The following STK39 variants were observed in gnomAD, a reference collection of about 807,000 sequenced individuals.
STK39 encodes serine/threonine kinase 39.
In STK39, 20 loss-of-function variants were observed where a neutral mutation model predicts 77.8. That is an observed-to-expected ratio of 0.26 (90% CI 0.18 to 0.37). The LOEUF is 0.37. Ranked by LOEUF, STK39 falls within the 10% of genes least tolerant of loss-of-function variation. The pLI is 1.00. For synonymous variants in STK39, 246 were observed against 234.1 expected, an observed-to-expected ratio of 1.05 and a Z score of -0.47; for missense variants, 479 against 656.5, an observed-to-expected ratio of 0.73 and a Z score of 2.95.
chr2:168,091,472 G>A (rs1323729410), intron 10 of STK39, among the ~76,000 whole-genome samples: 1 of 152,196 alleles, frequency 6.6e-6, no homozygotes, highest in East Asian at 1.9e-4. Flanking sequence ...CTGCCAGAAA[G>A]CTGCCCCAAG....
intron 17 of STK39, 75 bp downstream of exon 17, chr2:167,964,587 T>C: frequency 7.5e-7 from 1 of 1,327,450 alleles, no homozygotes; most frequent in South Asian, 1.3e-5. Context: ...AGTAGGTTAT[T>C]AAACTAGATT....
At chr2:168,188,652 C>T (rs1689266071) in intron 1 of STK39, among the ~76,000 whole-genome samples, 1 of 152,154 alleles carries the variant, frequency 6.6e-6, no homozygotes, top group African/African-American at 2.4e-5. Flanking sequence ...AGCATGTACT[C>T]GGCACATTGA....
At chr2:168,246,912 G>A (rs1241796149) in intron 1 of STK39, among the ~76,000 whole-genome samples, 1 of 151,906 alleles carries the variant, frequency 6.6e-6, no homozygotes, top group Admixed American at 6.6e-5. Context: ...AGGAAGATGC[G>A]GCGGCGCCGC....
chr2:168,048,575 C>A lies in STK39; in HGVS notation c.1376+14925G>T, dbSNP rs575612930. Reference sequence around the variant, plus strand: ...GTTCTTGTCTCTCATGAATATTGGACCAAACTGGGCCACTTCTAAGAGGTC... The same window carrying A: ...GTTCTTGTCTCTCATGAATATTGGAACAAACTGGGCCACTTCTAAGAGGTC... On this transcript the variant is annotated intron_variant, in intron 14 of 17. Transcript: ENST00000355999. Among the ~76,000 whole-genome samples, 3 of 152,096 alleles carry A rather than the reference C, an allele frequency of 2.0e-5. No individual in the cohort carries two copies. The East Asian group carries it at 5.8e-4, about 29-fold the overall frequency.
chr2:168,242,362 G>C (rs895157545), intron 1 of STK39, among the ~76,000 whole-genome samples: 1 of 151,090 alleles, frequency 6.6e-6, no homozygotes, highest in African/African-American at 2.4e-5. Flanking sequence ...AGGAGTTTGT[G>C]ACCAGCCTGG....
chr2:168,032,494 T>A (rs1284406294), intron 14 of STK39, among the ~76,000 whole-genome samples: 2 of 152,202 alleles, frequency 1.3e-5, no homozygotes, highest in Non-Finnish European at 2.9e-5. Flanking sequence ...TCATAATGGT[T>A]TCTTCAATGA....
At chr2:168,012,530 C>T (rs1684296184) in intron 16 of STK39, 104 bp downstream of exon 16, 2 of 870,784 alleles carry the variant, frequency 2.3e-6, no homozygotes, top group Non-Finnish European at 3.6e-6. Context: ...AAGAATTCTT[C>T]AAATATTCAG....
chr2:168,161,986 T>C, intron 4 of STK39, 144 bp from the exon 5 acceptor site: 1 of 604,486 alleles, frequency 1.7e-6, no homozygotes. Flanking sequence ...AGCACAGATT[T>C]TAAAAGTTAT....
intron 16 of STK39, 53 bp downstream of exon 16, chr2:168,012,581 A>G: frequency 6.7e-7 from 1 of 1,489,148 alleles, no homozygotes; most frequent in Non-Finnish European, 9.3e-7. Flanking sequence ...TTCCAAACAC[A>G]TTTCCATTTT....
At chr2:168,244,007 T>C (rs1057043804) in intron 1 of STK39, among the ~76,000 whole-genome samples, 1 of 152,088 alleles carries the variant, frequency 6.6e-6, no homozygotes, top group Non-Finnish European at 1.5e-5. Context: ...ACAGAAATAT[T>C]TGAAATCTAC....
intron 15 of STK39, among the ~76,000 whole-genome samples, chr2:168,014,021 A>G (rs541797448): frequency 1.3e-5 from 2 of 148,470 alleles, no homozygotes; most frequent in East Asian, 3.8e-4. Flanking sequence ...TTATACTTCC[A>G]GAGAAACTGT....
At chr2:168,066,545 T>C (rs1467325520) in intron 12 of STK39, among the ~76,000 whole-genome samples, 2 of 152,226 alleles carry the variant, frequency 1.3e-5, no homozygotes, top group Non-Finnish European at 2.9e-5. Flanking sequence ...TAATTTAAAT[T>C]TGTGATACAA....
At chr2:168,049,290 A>G (rs1333312594) in intron 14 of STK39, among the ~76,000 whole-genome samples, 1 of 152,188 alleles carries the variant, frequency 6.6e-6, no homozygotes, top group East Asian at 1.9e-4. Context: ...ATAAGCTCCG[A>G]TTTCTGAGTG....
At chr2:168,118,602 C>CAAAAAAAAAAAAA (rs35533319) in intron 10 of STK39, among the ~76,000 whole-genome samples, 2 of 119,348 alleles carry the variant, frequency 1.7e-5, no homozygotes, top group Non-Finnish European at 3.4e-5. Context: ...CATATGCTTT[C>CAAAAAAAAAAAAA]AAAAAAAAAA....
intron 10 of STK39, among the ~76,000 whole-genome samples, chr2:168,080,734 C>G (rs111486522): frequency 0.021 from 3,270 of 152,208 alleles, 120 homozygotes; most frequent in African/African-American, 0.075. Flanking sequence ...GGAAGTTTAG[C>G]AGGAAAAAAA....
chr2:168,104,830 G>A (rs1686926788), intron 10 of STK39, among the ~76,000 whole-genome samples: 1 of 152,118 alleles, frequency 6.6e-6, no homozygotes, highest in African/African-American at 2.4e-5. Flanking sequence ...CATGCAAAAT[G>A]ACACATACAC....
chr2:168,169,137 C>G (rs4667564), intron 2 of STK39, among the ~76,000 whole-genome samples: 25 of 151,994 alleles, frequency 1.6e-4, no homozygotes, highest in African/African-American at 5.1e-4. Flanking sequence ...TTTTCTAAAT[C>G]TGACACTTTT....
At chr2:168,112,082 TTTTATCATCTAG>T in intron 10 of STK39, among the ~76,000 whole-genome samples, 1 of 152,166 alleles carries the variant, frequency 6.6e-6, no homozygotes, top group East Asian at 1.9e-4. Context: ...TAATTCTTAT[TTTTATCATCTAG>T]TTTCAGCTTA....
At chr2:168,200,398 C>T (rs1434242022) in intron 1 of STK39, among the ~76,000 whole-genome samples, 1 of 152,160 alleles carries the variant, frequency 6.6e-6, no homozygotes, top group Non-Finnish European at 1.5e-5. Context: ...GGCATGGTGA[C>T]TCACAACTGT....
Sources: gnomAD v4.1 joint callset for allele counts (sites outside exome capture counted in the v4.1 genomes callset) on GRCh38, gnomAD v4.1.1 for gene constraint, MANE v1.5 for transcripts, NCBI Gene and HGNC (gene_info 2026-07-23, HGNC 2026-07-21) for gene names.